The following FOXN3 variants were observed in gnomAD, a reference collection of about 807,000 sequenced individuals.
FOXN3 encodes the protein forkhead box protein N3.
Under a neutral mutation model 38.4 loss-of-function variants are expected in FOXN3, and 7 were observed. That is an observed-to-expected ratio of 0.18 (90% confidence interval 0.10 to 0.34). The LOEUF (loss-of-function observed/expected upper bound fraction) is 0.34, where lower values mean the gene tolerates loss of function less well. Ranked by LOEUF, FOXN3 falls within the 10% of genes least tolerant of loss-of-function variation. FOXN3 has a pLI of 1.00. For missense variants in FOXN3, 456 were observed against 613.4 expected (o/e 0.74, Z 2.71); for synonymous variants, 230 against 242.2 (o/e 0.95, Z 0.47).
intron 1 of FOXN3, among the ~76,000 whole-genome samples, chr14:89,429,173 T>C (rs1162960385): frequency 3.3e-5 from 5 of 152,234 alleles, no homozygotes; most frequent in African/African-American, 1.2e-4. Flanking sequence ...TGAAAAGTCA[T>C]GCTGTCAACC....
intron 4 of FOXN3, among the ~76,000 whole-genome samples, chr14:89,279,886 A>G (rs1886406413): frequency 6.6e-6 from 1 of 152,334 alleles, no homozygotes; most frequent in Admixed American, 6.5e-5. Flanking sequence ...TTGAGCTACT[A>G]CGGAAACCTG....
intron 5 of FOXN3, among the ~76,000 whole-genome samples, chr14:89,177,456 G>C (rs1397480666): frequency 6.6e-6 from 1 of 152,056 alleles, no homozygotes; most frequent in East Asian, 1.9e-4. Context: ...TCCTTTTGTA[G>C]TGGACAGAGA....
chr14:89,473,289 G>A (rs1893144661), intron 1 of FOXN3, among the ~76,000 whole-genome samples: 1 of 151,994 alleles, frequency 6.6e-6, no homozygotes, highest in Non-Finnish European at 1.5e-5. Flanking sequence ...CTCCCAAAGT[G>A]CTGGAATTAC....
chr14:89,372,932 A>G (rs1026346056), intron 2 of FOXN3, among the ~76,000 whole-genome samples: 2 of 152,184 alleles, frequency 1.3e-5, no homozygotes, highest in Non-Finnish European at 2.9e-5. Flanking sequence ...CGCTTAGGCC[A>G]AGGCGGAAGG....
intron 3 of FOXN3, among the ~76,000 whole-genome samples, chr14:89,312,847 A>G (rs186751731): frequency 6.6e-6 from 1 of 152,336 alleles, no homozygotes; most frequent in African/African-American, 2.4e-5. Context: ...GTGATACCTC[A>G]ACCCATATCC....
intron 4 of FOXN3, 149 bp downstream of exon 4, chr14:89,280,801 T>C (rs540767982): frequency 1.5e-4 from 94 of 606,828 alleles, no homozygotes; most frequent in Admixed American, 1.2e-3. Flanking sequence ...ACTGGACAAA[T>C]AGTCCCCACC....
At chr14:89,210,188 A>G (rs1211567738) in intron 4 of FOXN3, among the ~76,000 whole-genome samples, 1 of 152,218 alleles carries the variant, frequency 6.6e-6, no homozygotes, top group Non-Finnish European at 1.5e-5. Flanking sequence ...TACCTGGATC[A>G]TGGAGGTGGA....
chr14:89,317,918 C>T (rs4904542), intron 3 of FOXN3, among the ~76,000 whole-genome samples: 63,822 of 147,014 alleles, frequency 0.43, 14,569 homozygotes, highest in Middle Eastern at 0.51. Flanking sequence ...CTAGGATGCG[C>T]GCTCCTTATG....
At chr14:89,197,562 C>G (rs989915666) in intron 4 of FOXN3, among the ~76,000 whole-genome samples, 7 of 151,888 alleles carry the variant, frequency 4.6e-5, no homozygotes, top group Admixed American at 2.0e-4. Flanking sequence ...TGTTCCCTAG[C>G]ACCTAGAACA....
At chr14:89,343,626 G>A (rs1888679123) in intron 3 of FOXN3, among the ~76,000 whole-genome samples, 1 of 27,160 alleles carries the variant, frequency 3.7e-5, no homozygotes, top group African/African-American at 8.2e-5. Flanking sequence ...TAATGTGTGT[G>A]GTTTTTTTTT....
chr14:89,372,424 T>C (rs915660079), intron 2 of FOXN3, among the ~76,000 whole-genome samples: 1 of 152,188 alleles, frequency 6.6e-6, no homozygotes, highest in Non-Finnish European at 1.5e-5. Context: ...TAAACGCACA[T>C]AAAAATTGCA....
intron 3 of FOXN3, among the ~76,000 whole-genome samples, chr14:89,336,137 T>TACACACACACACACACACAC (rs34950734): frequency 3.3e-4 from 46 of 140,132 alleles, no homozygotes; most frequent in African/African-American, 1.1e-3. Context: ...AAGTGATCCT[T>TACACACACACACACACACAC]ACACACACAC....
intron 5 of FOXN3, among the ~76,000 whole-genome samples, chr14:89,171,062 G>GA (rs71301967): frequency 0.24 from 35,978 of 151,300 alleles, 5,165 homozygotes; most frequent in Middle Eastern, 0.34. Flanking sequence ...TTGATTCTTT[G>GA]AAAAAAAATC....
chr14:89,464,657 T>C (rs569108928), intron 1 of FOXN3, among the ~76,000 whole-genome samples: 3 of 152,252 alleles, frequency 2.0e-5, no homozygotes, highest in Admixed American at 6.5e-5. Flanking sequence ...GGTAATTGAA[T>C]CATGGGGGCA....
At position 89,162,727 on chromosome 14, in the gene FOXN3, T is replaced by A; in HGVS notation, c.1094A>T (p.His365Leu). ...CTCTTCCGTGTCGCTGGGGCTCTCG[T>A]GGCTCCGGAAGCTCCCCTCGCTGCC... ...SEGSEGSFRS[H>L]ESPSDTEEDD... The change falls in exon 6 of 6, where the codon CAC becomes CTC. Residue 365 changes from histidine to leucine, a missense_variant. Physicochemically the swap from His to Leu is moderately conservative, Grantham distance 99 (BLOSUM62 -3). Around this residue, in one of 3 missense-constraint regions of FOXN3, gnomAD observed 386 missense variants for 505.2 expected, o/e 0.76. Coordinates refer to ENST00000557258, the MANE Select transcript of FOXN3 (RefSeq NM_005197.4). The surrounding 1 kb of genome is among the most constrained non-coding windows in gnomAD (Gnocchi z 7.2). The A allele has an allele frequency of 6.2e-7, 1 of 1,614,028 alleles. No individual in the cohort carries two copies. The highest frequency in any genetic ancestry group is 8.5e-7 in the Non-Finnish European group (1 of 1,179,950).
At chr14:89,348,695 G>A (rs1012196027) in intron 3 of FOXN3, among the ~76,000 whole-genome samples, 6 of 152,132 alleles carry the variant, frequency 3.9e-5, no homozygotes, top group Admixed American at 6.5e-5. Context: ...GATAAAGGCT[G>A]GAGGTGACGG....
intron 2 of FOXN3, among the ~76,000 whole-genome samples, chr14:89,374,600 A>G (rs1182142375): frequency 6.6e-6 from 1 of 152,212 alleles, no homozygotes; most frequent in African/African-American, 2.4e-5. Context: ...AATAAAAAGG[A>G]ATGAACTCCT....
At chr14:89,296,698 C>T (rs987743187) in intron 3 of FOXN3, among the ~76,000 whole-genome samples, 18 of 152,318 alleles carry the variant, frequency 1.2e-4, no homozygotes, top group African/African-American at 3.6e-4. Context: ...CGCAATGGCA[C>T]GATTTCAGCT....
chr14:89,598,738 A>C (rs935144648), intron 1 of FOXN3, among the ~76,000 whole-genome samples: 1 of 152,232 alleles, frequency 6.6e-6, no homozygotes, highest in Non-Finnish European at 1.5e-5. Context: ...GTCAGTTGTC[A>C]GTCTTATTTT....
Sources: gnomAD v4.1 joint callset for allele counts (sites outside exome capture counted in the v4.1 genomes callset) on GRCh38, gnomAD v4.1.1 for gene constraint, gnomAD v4.1.1 regional missense constraint, Gnocchi (gnomAD v3.1) non-coding constraint, MANE v1.5 for transcripts, NCBI Gene and HGNC (gene_info 2026-07-23, HGNC 2026-07-21) for gene names.